Variants in AFF3 observed in about 807,000 individuals in gnomAD.
AFF3 encodes the protein AF4/FMR2 family member 3.
A neutral mutation model predicts 129.7 loss-of-function variants in AFF3; 32 were observed. That is an observed-to-expected ratio of 0.25 (90% CI 0.19 to 0.33). The LOEUF (loss-of-function observed/expected upper bound fraction) is 0.33, where lower values mean the gene tolerates loss of function less well. AFF3 is among the 10% of genes least tolerant of loss of function. The pLI is 1.00. For synonymous variants in AFF3, 644 were observed against 635.4 expected (o/e 1.01, Z -0.20); for missense variants, 1,373 against 1,592.0 (o/e 0.86, Z 2.34).
intron 8 of AFF3, among the ~76,000 whole-genome samples, chr2:99,797,310 A>G (rs541274561): frequency 1.3e-5 from 2 of 152,302 alleles, no homozygotes; most frequent in African/African-American, 4.8e-5. Flanking sequence ...GCAAATATAC[A>G]TTGAATGCAA....
At position 99,589,548 on chromosome 2, in the gene AFF3, C is replaced by T. The variant is rs192730234; in HGVS notation, c.2467-2270G>A. 5.0e-3 allele frequency among the ~76,000 whole-genome samples: 764 copies of T among 151,950 alleles called. 7 individuals carry two copies. Among genetic ancestry groups the T allele is most frequent in the African/African-American group, 0.017 (702 of 41,432 alleles). On this transcript the variant is annotated intron_variant, in intron 15 of 24. Coordinates refer to ENST00000672756, the MANE Select transcript of AFF3 (RefSeq NM_001386135.1). ...TCCTGAGTAGCTGGGATTACAGGCA[C>T]GCGCCACCACGCCCAGCTATTTTTG...
intron 7 of AFF3, among the ~76,000 whole-genome samples, chr2:100,003,726 G>A (rs1190777095): frequency 6.6e-6 from 1 of 152,100 alleles, no homozygotes; most frequent in Non-Finnish European, 1.5e-5. Flanking sequence ...ATGTTGTAAG[G>A]GAAAGAATGA....
At chr2:99,580,133 G>A (rs10169958) in intron 17 of AFF3, among the ~76,000 whole-genome samples, 2,787 of 152,140 alleles carry the variant, frequency 0.018, 94 homozygotes, top group African/African-American at 0.063. Context: ...CCAGATTCAT[G>A]AGCGTGTGCA....
rs546081510 is a variant in AFF3 at position 100,033,229 on chromosome 2, C to T, written c.54-24297G>A. Among the ~76,000 whole-genome samples, 3 of 152,204 alleles carry T rather than the reference C, an allele frequency of 2.0e-5. No homozygotes were observed. The South Asian group carries it at 6.2e-4, about 32-fold the overall frequency. On this transcript the variant is annotated intron_variant, in intron 4 of 24. Coordinates refer to ENST00000672756, the MANE Select transcript of AFF3 (RefSeq NM_001386135.1). ...CAAAGAGCCTTCACCCCCATCAACA[C>T]ATTACAAACATACAGGGTTAGCAAG... is the stretch of plus-strand genomic sequence containing the variant.
At chr2:100,081,724 T>C (rs1218637819) in intron 4 of AFF3, among the ~76,000 whole-genome samples, 4 of 151,366 alleles carry the variant, frequency 2.6e-5, no homozygotes, top group South Asian at 2.1e-4. Context: ...TTCTGATTTA[T>C]TGAGGGTTGA....
intron 7 of AFF3, among the ~76,000 whole-genome samples, chr2:99,979,374 G>A (rs1026859912): frequency 6.6e-6 from 1 of 152,076 alleles, no homozygotes; most frequent in African/African-American, 2.4e-5. Flanking sequence ...TGGCTCTGAG[G>A]CTGAGAATAT....
chr2:100,085,613 C>T (rs888981779), intron 4 of AFF3, among the ~76,000 whole-genome samples: 1 of 148,936 alleles, frequency 6.7e-6, no homozygotes, highest in African/African-American at 2.5e-5. Flanking sequence ...TTCTGGGAAG[C>T]AGCTAAATTT....
intron 7 of AFF3, among the ~76,000 whole-genome samples, chr2:99,839,810 CTA>C (rs1321382182): frequency 4.0e-5 from 6 of 151,828 alleles, no homozygotes; most frequent in African/African-American, 1.5e-4. Context: ...TGGGGTTTCA[CTA>C]TGTTAGCCAG....
chr2:100,046,234 A>G (rs144964196), intron 4 of AFF3, among the ~76,000 whole-genome samples: 1 of 152,268 alleles, frequency 6.6e-6, no homozygotes, highest in East Asian at 1.9e-4. Context: ...TCCTATACCT[A>G]CTCTATAGTG....
At chr2:99,952,807 G>T (rs536908327) in intron 7 of AFF3, among the ~76,000 whole-genome samples, 5 of 152,284 alleles carry the variant, frequency 3.3e-5, no homozygotes, top group African/African-American at 1.2e-4. Context: ...GCACCCTCCT[G>T]GTCAGGAATG....
At chr2:100,106,327 G>C in intron 2 of AFF3, 1 of 1,157,368 alleles carries the variant, frequency 8.6e-7, no homozygotes, top group South Asian at 1.8e-5. Flanking sequence ...GCTGAAGGTA[G>C]CAAGTAGCAA....
intron 22 of AFF3, among the ~76,000 whole-genome samples, chr2:99,557,390 G>T (rs1193183137): frequency 6.7e-6 from 1 of 150,112 alleles, no homozygotes; most frequent in Non-Finnish European, 1.5e-5. Context: ...AACGATTCTC[G>T]TGCCTCAGCC....
At chr2:99,639,416 G>A (rs1010083816) in intron 13 of AFF3, among the ~76,000 whole-genome samples, 2 of 152,202 alleles carry the variant, frequency 1.3e-5, no homozygotes, top group African/African-American at 2.4e-5. Flanking sequence ...AGGCCAAGGG[G>A]CTCCACTTTT....
chr2:99,552,099 G>A (rs562445452), intron 24 of AFF3, among the ~76,000 whole-genome samples: 3 of 152,288 alleles, frequency 2.0e-5, no homozygotes, highest in South Asian at 4.1e-4. Flanking sequence ...AAATGTTTAT[G>A]ATGTGGCCAA....
At chr2:99,891,648 C>T (rs1244021211) in intron 7 of AFF3, among the ~76,000 whole-genome samples, 2 of 152,176 alleles carry the variant, frequency 1.3e-5, no homozygotes, top group Admixed American at 1.3e-4. Context: ...TTTCACCCAA[C>T]ACCAAGCAAG....
chr2:99,730,537 A>G (rs1246673849), intron 10 of AFF3, among the ~76,000 whole-genome samples: 1 of 141,960 alleles, frequency 7.0e-6, no homozygotes, highest in Non-Finnish European at 1.5e-5. Flanking sequence ...TTTTTTTGAG[A>G]TGGGGTCTCA....
chr2:99,736,355 C>T (rs1023393341), intron 10 of AFF3, among the ~76,000 whole-genome samples: 1 of 151,942 alleles, frequency 6.6e-6, no homozygotes, highest in African/African-American at 2.4e-5. Context: ...GGGTAGTGAC[C>T]CTTTTTAACT....
chr2:99,924,931 C>T (rs570149924), intron 7 of AFF3, among the ~76,000 whole-genome samples: 44 of 150,780 alleles, frequency 2.9e-4, no homozygotes, highest in Admixed American at 2.7e-3. Context: ...GCTGGAGTGA[C>T]ATGGCTTGAT....
intron 11 of AFF3, among the ~76,000 whole-genome samples, chr2:99,713,338 G>A (rs939431170): frequency 6.7e-6 from 1 of 149,494 alleles, no homozygotes; most frequent in Non-Finnish European, 1.5e-5. Flanking sequence ...GCACAATCTC[G>A]GCTCACTGCA....
Sources: allele counts gnomAD v4.1 joint callset (sites outside exome capture counted in the v4.1 genomes callset), GRCh38; gene constraint gnomAD v4.1.1; transcripts MANE v1.5; gene names NCBI Gene and HGNC (gene_info 2026-07-23, HGNC 2026-07-21).